Variants in OGT observed in about 807,000 individuals in gnomAD.
OGT encodes UDP-N-acetylglucosamine--peptide N-acetylglucosaminyltransferase 110 kDa subunit.
Under a neutral mutation model 75.8 loss-of-function variants are expected in OGT, and 3 were observed. That is an observed-to-expected ratio of 0.04 (90% CI 0.02 to 0.10). OGT has a LOEUF of 0.10. OGT is among the 10% of genes least tolerant of loss of function. OGT has a pLI of 1.00. For missense variants in OGT, 260 were observed against 824.4 expected (o/e 0.32, Z 8.38); for synonymous variants, 257 against 289.7 (o/e 0.89, Z 1.15).
Position 71,537,906 on chromosome X carries a change from A to G in OGT, c.296A>G (p.Tyr99Cys). 8.3e-7 allele frequency: 1 copy of G among 1,212,026 alleles called. No homozygotes were observed. The highest frequency in any genetic ancestry group is 1.1e-6 in the Non-Finnish European group (1 of 895,513). ...AEAYSNLGNV[Y>C]KERGQLQEAI... is the part of the protein sequence containing the mutation. ...GCTTATTCGAATTTGGGGAATGTGT[A>G]CAAGGAAAGAGGGCAGTTGCAGGAG... The change falls in exon 3 of 22, where the codon TAC becomes TGC. Residue 99 changes from tyrosine (Y) to cysteine (C), a missense_variant. This residue lies in a region of OGT where 38 missense variants were observed against 117.1 expected (regional missense o/e 0.32). Coordinates refer to ENST00000373719, the MANE Select transcript of OGT (RefSeq NM_181672.3).
intron 20 of OGT, 79 bp downstream of exon 20, chrX:71,567,831 T>A: frequency 1.3e-5 from 14 of 1,093,076 alleles, no homozygotes; most frequent in Non-Finnish European, 1.7e-5. Context: ...CCAGGTGAAA[T>A]TATATGTACT....
intron 1 of OGT, 35 bp downstream of exon 1, chrX:71,533,371 C>T: frequency 8.6e-7 from 1 of 1,157,739 alleles, no homozygotes; most frequent in Non-Finnish European, 1.2e-6. Flanking sequence ...GCAGATGCCC[C>T]CTTGGGGTCT....
rs1162476438 is a variant in OGT at position 71,555,135 on chromosome X, TG to T, written c.729-54del. On this transcript the variant is annotated intron_variant, in intron 6 of 21. Transcript: ENST00000373719. ...CATCCATTAAGCATGAGTTACATTT[TG>T]TGTGTGTGTGTGTGTGTGTGTGTGT... 3.0e-4 allele frequency: 52 copies of T among 172,470 alleles called. No homozygotes were observed. In the African/African-American group the frequency reaches 5.4e-3, roughly 18 times the overall value. 14.2% of individuals were successfully genotyped at this position (172,470 alleles called of 1,213,427 possible). A position where few individuals can be genotyped will look rare whatever the true frequency, so the allele number is the denominator to read the frequency against.
At chrX:71,547,790 A>C in intron 4 of OGT, 117 bp from the exon 5 acceptor site, 18 of 1,134,360 alleles carry the variant, frequency 1.6e-5, no homozygotes, top group East Asian at 1.3e-4. Context: ...CAGAGAAGGA[A>C]TAATGATATC....
rs371113485 is a variant in OGT at position 71,548,786 on chromosome X, C to T, written c.648+763C>T. Among the ~76,000 whole-genome samples, 5 of 110,541 alleles carry T rather than the reference C, an allele frequency of 4.5e-5. No individual in the cohort carries two copies. In the East Asian group the frequency reaches 1.1e-3, roughly 25 times the overall value. ...GGAGGGTGGGAGGAGTGTGAGGGTA[C>T]AAAAACTACTTACCAGGTACTATGT... is the stretch of plus-strand genomic sequence containing the variant. On this transcript the variant is annotated intron_variant, in intron 5 of 21. Transcript: ENST00000373719.
At chrX:71,568,855 CAAACAAA>C (rs2040433853) in intron 21 of OGT, among the ~76,000 whole-genome samples, 1 of 103,951 alleles carries the variant, frequency 9.6e-6, no homozygotes, top group African/African-American at 3.6e-5. Flanking sequence ...CAAAAACAAA[CAAACAAA>C]AAAAAAACCA....
chrX:71,552,035 C>T (rs2040307724), intron 5 of OGT, among the ~76,000 whole-genome samples: 1 of 109,699 alleles, frequency 9.1e-6, no homozygotes, highest in Non-Finnish European at 1.9e-5. Context: ...TGGTGCAACC[C>T]CATCTCTACT....
chrX:71,547,564 C>A, intron 4 of OGT: 1 of 824,681 alleles, frequency 1.2e-6, no homozygotes, highest in Non-Finnish European at 1.5e-6. Context: ...ATGACAAGGG[C>A]CCGTAGTTGT....
chrX:71,533,530 C>T (rs1174479871), intron 1 of OGT, among the ~76,000 whole-genome samples, 194 bp downstream of exon 1: 1 of 111,921 alleles, frequency 8.9e-6, no homozygotes, highest in East Asian at 2.8e-4. Context: ...ACATTTCCTC[C>T]TCCTCCCTTG....
chrX:71,574,727 G>A lies in OGT; in HGVS notation c.*933G>A, dbSNP rs1379866780. 1 of 99,220 alleles carries A rather than the reference G, an allele frequency of 1.0e-5. No homozygotes were observed. The highest frequency in any genetic ancestry group is 3.7e-5 in the African/African-American group (1 of 26,775). 8.2% of individuals were successfully genotyped at this position (99,220 alleles called of 1,213,427 possible). A position where few individuals can be genotyped will look rare whatever the true frequency, so the allele number is the denominator to read the frequency against. On this transcript the variant is annotated 3_prime_UTR_variant, in exon 22 of 22. Transcript: ENST00000373719. ...GCTGCTTCCAAAAGTGATAGTGTGTGTAAGATTTTTACCTTCCTTTCTAAA... is the reference window on the plus strand; with the variant it reads ...GCTGCTTCCAAAAGTGATAGTGTGTATAAGATTTTTACCTTCCTTTCTAAA...
chrX:71,539,569 C>A (rs1173977102), intron 3 of OGT, among the ~76,000 whole-genome samples: 1 of 111,680 alleles, frequency 9.0e-6, no homozygotes, highest in Non-Finnish European at 1.9e-5. Flanking sequence ...AAACTAATTT[C>A]TTGTCTATCT....
At chrX:71,536,598 G>A (rs926301817) in intron 2 of OGT, 9 of 287,133 alleles carry the variant, frequency 3.1e-5, no homozygotes, top group African/African-American at 2.5e-4. Flanking sequence ...TTCTATCTGG[G>A]TCTGCTGCTT....
intron 1 of OGT, among the ~76,000 whole-genome samples, chrX:71,535,379 G>A (rs1204959696): frequency 8.9e-6 from 1 of 111,809 alleles, no homozygotes; most frequent in African/African-American, 3.3e-5. Flanking sequence ...TTTGGAAAAT[G>A]TTAGTGCTAA....
rs1402891838 is a variant in OGT, at chrX:71,563,577, A to G, written c.2436+78A>G. ...CCCTTAACCTCATGATAACTCTAGG[A>G]GGCAAGTATCATTATCACCATTTTT... On this transcript the variant is annotated intron_variant, in intron 18 of 21. Transcript: ENST00000373719. The G allele has an allele frequency of 1.5e-5, 12 of 797,904 alleles. No individual in the cohort carries two copies. In the South Asian group the frequency reaches 2.5e-4, roughly 17 times the overall value. The allele number at this position is 797,904 out of a possible 1,213,427, so 65.8% of individuals were successfully genotyped here.
chrX:71,544,656 A>T, intron 4 of OGT, 21 bp downstream of exon 4: 1 of 1,154,542 alleles, frequency 8.7e-7, no homozygotes, highest in Non-Finnish European at 1.2e-6. Context: ...GATAGAACAC[A>T]TTTAAACATC....
chrX:71,563,826 T>C (rs1056174825), intron 18 of OGT, among the ~76,000 whole-genome samples: 1 of 112,093 alleles, frequency 8.9e-6, no homozygotes, highest in African/African-American at 3.2e-5. Flanking sequence ...AGCTAAATCC[T>C]ACTCAAACGT....
intron 2 of OGT, 139 bp from the exon 3 acceptor site, chrX:71,537,690 T>A (rs1237423018): frequency 3.0e-6 from 2 of 664,268 alleles, no homozygotes; most frequent in Admixed American, 6.9e-5. Context: ...CAAATTTTTC[T>A]TGCTATGCAC....
chrX:71,560,542 TATGTACATACAC>T (rs1382938235), intron 14 of OGT, among the ~76,000 whole-genome samples: 2 of 111,806 alleles, frequency 1.8e-5, no homozygotes, highest in Non-Finnish European at 3.8e-5. Context: ...CACATGTATG[TATGTACATACAC>T]ATGCAGGTAT....
intron 4 of OGT, 181 bp from the exon 5 acceptor site, chrX:71,547,726 G>A: frequency 2.8e-6 from 3 of 1,078,933 alleles, no homozygotes; most frequent in Non-Finnish European, 3.6e-6. Context: ...AGCTGTGGCA[G>A]CGCATTAGTT....
Sources: gnomAD v4.1 joint callset for allele counts (sites outside exome capture counted in the v4.1 genomes callset) on GRCh38, gnomAD v4.1.1 for gene constraint, gnomAD v4.1.1 regional missense constraint, MANE v1.5 for transcripts, NCBI Gene and HGNC (gene_info 2026-07-23, HGNC 2026-07-21) for gene names.